Variants in ELAPOR2 observed in about 807,000 individuals in gnomAD.
The protein encoded by ELAPOR2 is endosome/lysosome-associated apoptosis and autophagy regulator family member 2.
A neutral mutation model predicts 120.7 loss-of-function variants in ELAPOR2; 89 were observed. That is an observed-to-expected ratio of 0.74 (90% CI 0.62 to 0.88). The LOEUF (loss-of-function observed/expected upper bound fraction) is 0.88. Among genes scored for constraint, ELAPOR2 ranks in the 40% least tolerant of loss-of-function variants. The probability of loss-of-function intolerance (pLI) is 0.00; values close to 1 mark genes in which losing one functional copy is unlikely to be tolerated. For synonymous variants in ELAPOR2, 444 were observed against 444.9 expected, an observed-to-expected ratio of 1.00 and a Z score of 0.03; for missense variants, 1,134 against 1,251.6, an observed-to-expected ratio of 0.91 and a Z score of 1.42.
At chr7:86,988,149 AG>A (rs1299262094) in intron 1 of ELAPOR2, among the ~76,000 whole-genome samples, 1 of 152,188 alleles carries the variant, frequency 6.6e-6, no homozygotes, top group East Asian at 1.9e-4. Flanking sequence ...CTGAACAATG[AG>A]AACACTTGGT....
chr7:86,936,109 G>A (rs1790550747), intron 8 of ELAPOR2, among the ~76,000 whole-genome samples: 1 of 151,886 alleles, frequency 6.6e-6, no homozygotes, highest in Admixed American at 6.6e-5. Flanking sequence ...GAACATAACA[G>A]GACAGAGAGA....
chr7:86,913,483 G>A (rs1185887182), intron 13 of ELAPOR2, among the ~76,000 whole-genome samples: 1 of 152,136 alleles, frequency 6.6e-6, no homozygotes, highest in Non-Finnish European at 1.5e-5. Context: ...TGCAATTATA[G>A]ACCTCATATC....
intron 2 of ELAPOR2, among the ~76,000 whole-genome samples, chr7:86,953,301 T>A (rs1791343301): frequency 6.6e-6 from 1 of 152,174 alleles, no homozygotes; most frequent in African/African-American, 2.4e-5. Flanking sequence ...TACTCCTCAA[T>A]CTTTTTCATC....
chr7:87,011,264 A>AAAAAG (rs56248486), intron 1 of ELAPOR2, among the ~76,000 whole-genome samples: 25,689 of 131,608 alleles, frequency 0.2, 2,985 homozygotes, highest in African/African-American at 0.25. Context: ...AAAAAAAAAA[A>AAAAAG]AAAAGAAAAG....
intron 1 of ELAPOR2, among the ~76,000 whole-genome samples, chr7:87,054,103 TATTGAAATACTACATAGAACACAC>T (rs1795193137): frequency 6.6e-6 from 1 of 152,152 alleles, no homozygotes; most frequent in Non-Finnish European, 1.5e-5. Flanking sequence ...ACATATTGAA[TATTGAAATACTACATAGAACACAC>T]ATGATGAAAG....
intron 2 of ELAPOR2, among the ~76,000 whole-genome samples, chr7:86,963,474 C>T (rs941458456): frequency 6.6e-6 from 1 of 152,148 alleles, no homozygotes; most frequent in South Asian, 2.1e-4. Flanking sequence ...CAATACTCTA[C>T]AATGACCCAT....
At chr7:86,938,478 T>C (rs1351189883) in intron 7 of ELAPOR2, among the ~76,000 whole-genome samples, 1 of 152,036 alleles carries the variant, frequency 6.6e-6, no homozygotes, top group Non-Finnish European at 1.5e-5. Context: ...CACTATACAT[T>C]GGAAATTTGG....
intron 2 of ELAPOR2, among the ~76,000 whole-genome samples, chr7:86,962,696 C>A (rs745507317): frequency 2.6e-5 from 4 of 152,162 alleles, no homozygotes; most frequent in Non-Finnish European, 5.9e-5. Flanking sequence ...AATGGAAACA[C>A]TGATCCTAGT....
chr7:86,929,360 C>A (rs1232227022), intron 8 of ELAPOR2, among the ~76,000 whole-genome samples: 3 of 151,946 alleles, frequency 2.0e-5, no homozygotes, highest in African/African-American at 7.2e-5. Flanking sequence ...AAAAGGTCTA[C>A]CAACTGACCC....
chr7:86,892,946 C>G lies in ELAPOR2; in HGVS notation c.2840G>C (p.Cys947Ser). ...CTTTTGATTCTTTTTCCAGAAGTAGCAGGTCAGAGCCACCAGCAAAACGGC... is the reference window on the plus strand; with the variant it reads ...CTTTTGATTCTTTTTCCAGAAGTAGGAGGTCAGAGCCACCAGCAAAACGGC... ...FTAVLLVALT[C>S]YFWKKNQKLE... The change falls in exon 20 of 22, where the codon TGC becomes TCC. Residue 947 changes from cysteine to serine, a missense_variant. Around this residue, in one of 3 missense-constraint regions of ELAPOR2, gnomAD observed 831 missense variants for 867.6 expected, o/e 0.96. Transcript: ENST00000450689. 1 of 1,553,888 alleles carries G rather than the reference C, an allele frequency of 6.4e-7. No individual in the cohort carries two copies. Among genetic ancestry groups the G allele is most frequent in the Non-Finnish European group, 8.6e-7 (1 of 1,160,274 alleles).
rs1376571516 is a variant in ELAPOR2, at chr7:86,919,251, G to A, written c.1459C>T (p.Leu487=). 1 of 1,611,902 alleles carries A rather than the reference G, an allele frequency of 6.2e-7. No homozygotes were observed. Among genetic ancestry groups the A allele is most frequent in the Non-Finnish European group, 8.5e-7 (1 of 1,178,698 alleles). The change falls in exon 11 of 22, where the codon CTG becomes TTG. Residue 487 remains leucine (L), a synonymous_variant. Transcript: ENST00000450689. ...CCTGGGATATGCAAGTTTAAGATCA[G>A]GTAATCATTGTCAGAACCTCCAGCC... is the stretch of plus-strand genomic sequence containing the variant. The part of the protein sequence containing the change: ...SGAGGSDNDY[L]ILNLHIPGFK...
chr7:86,956,913 G>C (rs908742018), intron 2 of ELAPOR2, among the ~76,000 whole-genome samples: 1 of 152,100 alleles, frequency 6.6e-6, no homozygotes, highest in African/African-American at 2.4e-5. Flanking sequence ...CTACCACTTC[G>C]ATTCTTATCA....
At chr7:86,940,501 G>C (rs1790756643) in intron 5 of ELAPOR2, among the ~76,000 whole-genome samples, 1 of 151,886 alleles carries the variant, frequency 6.6e-6, no homozygotes, top group African/African-American at 2.4e-5. Context: ...TTTGAGTTCT[G>C]AAAACAAAAG....
At chr7:86,973,396 G>A (rs1792170876) in intron 1 of ELAPOR2, among the ~76,000 whole-genome samples, 1 of 152,106 alleles carries the variant, frequency 6.6e-6, no homozygotes, top group South Asian at 2.1e-4. Context: ...CTGCCCGGAA[G>A]GCTCTTTCTG....
chr7:86,950,008 C>G (rs201597951), intron 2 of ELAPOR2, among the ~76,000 whole-genome samples: 1 of 148,842 alleles, frequency 6.7e-6, no homozygotes, highest in Non-Finnish European at 1.5e-5. Flanking sequence ...GGTGCTTTTT[C>G]CCCCCAGACT....
intron 2 of ELAPOR2, among the ~76,000 whole-genome samples, chr7:86,958,558 T>TCC (rs1791568379): frequency 6.6e-6 from 1 of 152,146 alleles, no homozygotes; most frequent in Non-Finnish European, 1.5e-5. Context: ...GCCGATTGAG[T>TCC]TGCCAGAATC....
intron 19 of ELAPOR2, 38 bp downstream of exon 19, chr7:86,897,468 A>G: frequency 2.5e-6 from 4 of 1,599,136 alleles, no homozygotes; most frequent in African/African-American, 2.7e-5. Context: ...TTAACCAACT[A>G]TAATGCCGAA....
intron 1 of ELAPOR2, among the ~76,000 whole-genome samples, chr7:87,029,528 T>C (rs185649484): frequency 6.6e-6 from 1 of 152,334 alleles, no homozygotes; most frequent in East Asian, 1.9e-4. Context: ...TAAGGAGCCA[T>C]AAATATTATT....
At chr7:86,905,378 T>C (rs1414017283) in intron 18 of ELAPOR2, among the ~76,000 whole-genome samples, 1 of 151,734 alleles carries the variant, frequency 6.6e-6, no homozygotes, top group Non-Finnish European at 1.5e-5. Flanking sequence ...AAAGCTGCTG[T>C]TTCTCGTGTT....
Sources: allele counts gnomAD v4.1 joint callset (sites outside exome capture counted in the v4.1 genomes callset), GRCh38; gene constraint gnomAD v4.1.1; regional missense constraint gnomAD v4.1.1; transcripts MANE v1.5; gene names NCBI Gene and HGNC (gene_info 2026-07-23, HGNC 2026-07-21).